The following CNIH3 variants were observed in gnomAD, a reference collection of about 807,000 sequenced individuals.
CNIH3 encodes cornichon family AMPA receptor auxiliary protein 3, also known as protein cornichon homolog 3.
A neutral mutation model predicts 24.1 loss-of-function variants in CNIH3; 14 were observed. The observed-to-expected ratio is 0.58, with a 90% confidence interval of 0.38 to 0.91. The LOEUF is 0.91. CNIH3 is among the 40% of genes least tolerant of loss of function. The pLI is 0.00. For synonymous variants in CNIH3, 68 were observed against 73.8 expected (o/e 0.92, Z 0.40); for missense variants, 178 against 196.8 (o/e 0.90, Z 0.57).
At chr1:224,705,103 G>A (rs1346578490) in intron 3 of CNIH3, among the ~76,000 whole-genome samples, 1 of 152,032 alleles carries the variant, frequency 6.6e-6, no homozygotes, top group Non-Finnish European at 1.5e-5. Context: ...GGACAAGAGC[G>A]AGACTCCCTC....
chr1:224,568,644 C>A (rs1371284417), intron 4 of CNIH3, among the ~76,000 whole-genome samples: 4 of 151,986 alleles, frequency 2.6e-5, no homozygotes, highest in African/African-American at 9.7e-5. Context: ...GTCCCAGCTA[C>A]TCAGGAGGCT....
intron 5 of CNIH3, among the ~76,000 whole-genome samples, chr1:224,585,484 T>A (rs1443321051): frequency 6.6e-6 from 1 of 151,828 alleles, no homozygotes; most frequent in Non-Finnish European, 1.5e-5. Context: ...ATTCTTTTTT[T>A]TTTTTTATTT....
intron 3 of CNIH3, among the ~76,000 whole-genome samples, chr1:224,596,166 C>T (rs1008316860): frequency 3.3e-5 from 5 of 152,228 alleles, no homozygotes; most frequent in African/African-American, 1.2e-4. Context: ...CAATGCCTGG[C>T]TTCAAAGTCA....
chr1:224,661,234 T>G (rs1473346087), intron 1 of CNIH3: 1 of 299,314 alleles, frequency 3.3e-6, no homozygotes, highest in African/African-American at 2.3e-5. Flanking sequence ...TAACTGGCCC[T>G]CTTCTTCAAC....
intron 1 of CNIH3, chr1:224,664,649 GA>G (rs1685512646): frequency 6.6e-6 from 1 of 152,182 alleles, no homozygotes; most frequent in Non-Finnish European, 1.5e-5. Flanking sequence ...TTTCCCCTGA[GA>G]AACTGCTATC....
At chr1:224,531,550 G>A (rs1251000735) in intron 2 of CNIH3, among the ~76,000 whole-genome samples, 1 of 152,252 alleles carries the variant, frequency 6.6e-6, no homozygotes, top group Non-Finnish European at 1.5e-5. Context: ...CAACTGGAAT[G>A]AGTCAAGGGA....
In CNIH3 at chr1:224,730,517, C is replaced by T. The variant is rs529360966; in HGVS notation, c.254C>T (p.Ala85Val). ...HSLFCIMFLC[A>V]QEWLTLGLNV... Reference sequence around the variant, plus strand: ...CTCTTCTGCATTATGTTCCTGTGTGCGCAAGAGTGGCTCACGCTGGGGCTG... The same window carrying T: ...CTCTTCTGCATTATGTTCCTGTGTGTGCAAGAGTGGCTCACGCTGGGGCTG... Residue 85 changes from alanine (A) to valine (V), a missense_variant, in exon 4 of 6, where the codon GCG (alanine) becomes GTG (valine). Ala to Val is a moderately conservative substitution (Grantham distance 64). Transcript: ENST00000272133. 9 of 1,562,086 alleles carry T rather than the reference C, an allele frequency of 5.8e-6. No individual in the cohort carries two copies. The highest frequency in any genetic ancestry group is 2.3e-5 in the East Asian group (1 of 42,666).
chr1:224,505,357 G>A (rs1677866317), intron 1 of CNIH3, among the ~76,000 whole-genome samples: 1 of 151,312 alleles, frequency 6.6e-6, no homozygotes, highest in African/African-American at 2.4e-5. Flanking sequence ...TGGTATACAC[G>A]TAGTGGGTAC....
At chr1:224,720,365 C>G (rs1473974209) in intron 3 of CNIH3, among the ~76,000 whole-genome samples, 2 of 151,912 alleles carry the variant, frequency 1.3e-5, no homozygotes, top group African/African-American at 2.4e-5. Context: ...ATGAGGTCAG[C>G]TCCCTCCTCT....
At chr1:224,620,022 G>A (rs1367229824) in intron 1 of CNIH3, among the ~76,000 whole-genome samples, 1 of 152,228 alleles carries the variant, frequency 6.6e-6, no homozygotes, top group African/African-American at 2.4e-5. Context: ...GGATGTCTGG[G>A]AGCAAGGATG....
intron 1 of CNIH3, among the ~76,000 whole-genome samples, chr1:224,509,724 C>G (rs1678061390): frequency 6.6e-6 from 1 of 152,226 alleles, no homozygotes. Flanking sequence ...GTGTGAGGTG[C>G]CAGGCTGGTG....
At chr1:224,486,431 A>G (rs959083854) in intron 1 of CNIH3, among the ~76,000 whole-genome samples, 4 of 152,306 alleles carry the variant, frequency 2.6e-5, no homozygotes, top group Admixed American at 2.6e-4. Context: ...CCTTAAGTGC[A>G]GCCTGTAGCT....
intron 2 of CNIH3, among the ~76,000 whole-genome samples, chr1:224,531,301 G>C (rs1243289293): frequency 1.3e-5 from 2 of 152,188 alleles, no homozygotes; most frequent in East Asian, 3.9e-4. Flanking sequence ...ACTCCATGGA[G>C]CCTGGAACTC....
rs192607797 is a variant in CNIH3, at chr1:224,708,606, C to T, written c.199-21856C>T. Among the ~76,000 whole-genome samples, 106 of 152,292 alleles carry T rather than the reference C, an allele frequency of 7.0e-4. 1 individual carries two copies. In the East Asian group the frequency reaches 0.02, roughly 28 times the overall value. ...TGATTGAAGGTCACCAATGACGTCC[C>T]AGTTGCCAAATCTAATAGACTGACT... is the stretch of plus-strand genomic sequence containing the variant. On this transcript the variant is annotated intron_variant, in intron 3 of 5. Transcript: ENST00000272133.
At position 224,604,831 on chromosome 1, in the gene CNIH3, T is replaced by C. The variant is rs1682352814; in HGVS notation, n.402+38567T>C. Among the ~76,000 whole-genome samples, 1 of 152,164 alleles carries C rather than the reference T, an allele frequency of 6.6e-6. No individual in the cohort carries two copies. Among genetic ancestry groups the C allele is most frequent in the Admixed American group, 6.5e-5 (1 of 15,282 alleles). On this transcript the variant is annotated intron_variant and non_coding_transcript_variant, in intron 3 of 7. Transcript: ENST00000478120. The surrounding 1 kb of genome is among the most constrained non-coding windows in gnomAD (Gnocchi z 4.4). ...TGGTGGTTCCTGAGCTCCTGTACTG[T>C]GCCCAGGAAGAATGAGGATACACTG...
chr1:224,464,127 GCTTAAC>G (rs1676059546), intron 1 of CNIH3, among the ~76,000 whole-genome samples: 1 of 151,910 alleles, frequency 6.6e-6, no homozygotes, highest in Non-Finnish European at 1.5e-5. Flanking sequence ...CTTTTGAAGA[GCTTAAC>G]CTTTAAATTT....
chr1:224,456,611 G>A lies in CNIH3; in HGVS notation n.203+21749G>A, dbSNP rs554923504. On this transcript the variant is annotated intron_variant and non_coding_transcript_variant, in intron 1 of 5. Coordinates refer to the CNIH3 transcript ENST00000471578. ...TTTTTTGTAGAGATAGGATTGTACC[G>A]TGTTGCTCAGGCTGGTCTCAAACCC... is the stretch of plus-strand genomic sequence containing the variant. 9.2e-5 allele frequency among the ~76,000 whole-genome samples: 14 copies of A among 152,194 alleles called. No individual in the cohort carries two copies. The East Asian group carries it at 1.4e-3, about 15-fold the overall frequency.
intron 1 of CNIH3, among the ~76,000 whole-genome samples, chr1:224,518,744 C>T (rs545914927): frequency 1.3e-5 from 2 of 152,306 alleles, no homozygotes; most frequent in Non-Finnish European, 2.9e-5. Context: ...TCATTTTATG[C>T]TGAGGAAGCT....
intron 1 of CNIH3, among the ~76,000 whole-genome samples, chr1:224,659,897 A>C (rs1426811378): frequency 6.6e-6 from 1 of 152,222 alleles, no homozygotes; most frequent in Non-Finnish European, 1.5e-5. Context: ...ATTCTGAGAC[A>C]TGAATATGAG....
Sources: gnomAD v4.1 joint callset for allele counts (sites outside exome capture counted in the v4.1 genomes callset) on GRCh38, gnomAD v4.1.1 for gene constraint, Gnocchi (gnomAD v3.1) non-coding constraint, MANE v1.5 for transcripts, NCBI Gene and HGNC (gene_info 2026-07-23, HGNC 2026-07-21) for gene names.